C3orf33: variants seen among roughly 807,000 people sequenced by gnomAD.
The protein encoded by C3orf33 is AP-1 activity suppressor.
A neutral mutation model predicts 28.7 loss-of-function variants in C3orf33; 23 were observed. That is an observed-to-expected ratio of 0.80 (90% CI 0.58 to 1.13). The LOEUF is 1.13. C3orf33 is among the 50% of genes most tolerant of loss of function. The pLI is 0.00. For synonymous variants in C3orf33, 119 were observed against 120.5 expected (o/e 0.99, Z 0.08); for missense variants, 327 against 353.4 (o/e 0.93, Z 0.60).
intron 2 of C3orf33, among the ~76,000 whole-genome samples, chr3:155,786,858 CA>C (rs1322448674): frequency 6.6e-6 from 1 of 152,054 alleles, no homozygotes; most frequent in African/African-American, 2.4e-5. Flanking sequence ...AATAACCTTC[CA>C]GGATGGAATC....
At chr3:155,793,276 G>A (rs1049321878) in intron 2 of C3orf33, among the ~76,000 whole-genome samples, 5 of 147,686 alleles carry the variant, frequency 3.4e-5, no homozygotes, top group South Asian at 2.1e-4. Flanking sequence ...AGTCAAACAC[G>A]AAGGAGAAAT....
At chr3:155,773,063 G>T (rs761743180) in intron 3 of C3orf33, among the ~76,000 whole-genome samples, 5 of 152,044 alleles carry the variant, frequency 3.3e-5, no homozygotes, top group Admixed American at 1.3e-4. Context: ...TTAGGACCTG[G>T]ATCTTAGCCC....
chr3:155,771,983 G>A lies in C3orf33; in HGVS notation c.322+3718C>T, dbSNP rs373006316. Among the ~76,000 whole-genome samples the A allele has an allele frequency of 1.2e-4, 18 of 152,048 alleles. No homozygotes were observed. The East Asian group carries it at 1.7e-3, about 15-fold the overall frequency. ...CTTTGGAAGGTAGAGGTGGGCCGAT[G>A]TCTTAAACCCAGAAGTTCAAGAAGG... On this transcript the variant is annotated intron_variant, in intron 3 of 4. Coordinates refer to ENST00000340171, the MANE Select transcript of C3orf33 (RefSeq NM_001308229.2).
In C3orf33 at chr3:155,806,210, TGTC is replaced by T. The variant is rs1751807213; in HGVS notation, c.40_42del (p.Asp14del). 6 of 1,490,872 alleles carry T rather than the reference TGTC, an allele frequency of 4.0e-6. No individual in the cohort carries two copies. In the African/African-American group the frequency reaches 4.3e-5, roughly 11 times the overall value. The allele number at this position is 1,490,872 out of a possible 1,614,324, so 92.4% of individuals were successfully genotyped here. ...ACGACGTTGGGCTCCATTCCGTCCT[TGTC>T]GGCAGACGGCGAGCCGGTGGCCGCG... On this transcript the variant is annotated inframe_deletion, in exon 1 of 5. Coordinates refer to ENST00000340171, the MANE Select transcript of C3orf33 (RefSeq NM_001308229.2).
chr3:155,777,193 A>G (rs541911772), intron 2 of C3orf33, among the ~76,000 whole-genome samples: 12 of 152,152 alleles, frequency 7.9e-5, no homozygotes, highest in African/African-American at 2.9e-4. Flanking sequence ...GCATGCCTGT[A>G]ATCCCAGCTA....
intron 2 of C3orf33, 146 bp from the exon 3 acceptor site, chr3:155,775,994 T>C (rs1014485620): frequency 1.0e-5 from 6 of 575,902 alleles, no homozygotes; most frequent in Non-Finnish European, 1.8e-5. Context: ...TACTTTAATA[T>C]GATTTAATCA....
intron 2 of C3orf33, among the ~76,000 whole-genome samples, chr3:155,794,568 C>T (rs1419272731): frequency 6.6e-6 from 1 of 151,828 alleles, no homozygotes; most frequent in Non-Finnish European, 1.5e-5. Context: ...GAACTAAACT[C>T]TCCAAAAGAC....
At chr3:155,787,394 G>A (rs1181605368) in intron 2 of C3orf33, among the ~76,000 whole-genome samples, 2 of 145,860 alleles carry the variant, frequency 1.4e-5, no homozygotes, top group African/African-American at 5.0e-5. Flanking sequence ...CTGTCACCCA[G>A]GCTGGAGTGC....
At chr3:155,796,989 G>A (rs370827579) in intron 2 of C3orf33, among the ~76,000 whole-genome samples, 2 of 152,124 alleles carry the variant, frequency 1.3e-5, no homozygotes, top group African/African-American at 2.4e-5. Context: ...TCAGGAGTTC[G>A]AGACTAGCCT....
intron 2 of C3orf33, among the ~76,000 whole-genome samples, chr3:155,777,377 A>C (rs1273575977): frequency 6.6e-6 from 1 of 152,120 alleles, no homozygotes; most frequent in African/African-American, 2.4e-5. Flanking sequence ...TGGGTATTAG[A>C]TGATTCTAAG....
chr3:155,804,372 C>T (rs7652960), intron 1 of C3orf33, among the ~76,000 whole-genome samples: 1,845 of 152,166 alleles, frequency 0.012, 35 homozygotes, highest in African/African-American at 0.042. Context: ...TGAGTTTTCA[C>T]CAATTAACAC....
chr3:155,776,799 C>A (rs1483250709), intron 2 of C3orf33, among the ~76,000 whole-genome samples: 2 of 130,780 alleles, frequency 1.5e-5, no homozygotes, highest in African/African-American at 5.8e-5. Context: ...AAATTAGTAC[C>A]CAACTTCCTA....
intron 2 of C3orf33, among the ~76,000 whole-genome samples, chr3:155,791,473 C>T (rs1337398765): frequency 6.6e-6 from 1 of 152,144 alleles, no homozygotes; most frequent in East Asian, 1.9e-4. Context: ...CATTGTTATG[C>T]AGCTTAGGTA....
intron 2 of C3orf33, among the ~76,000 whole-genome samples, chr3:155,782,546 G>A (rs1264693140): frequency 6.6e-6 from 1 of 152,198 alleles, no homozygotes; most frequent in African/African-American, 2.4e-5. Context: ...AAGATTATCT[G>A]CAGATCTCTC....
intron 3 of C3orf33, among the ~76,000 whole-genome samples, chr3:155,772,811 T>TGTGTGTGC (rs777016511): frequency 6.7e-6 from 1 of 148,976 alleles, no homozygotes; most frequent in Non-Finnish European, 1.5e-5. Context: ...TGTGTGTGTG[T>TGTGTGTGC]GCCTCCTCAT....
intron 2 of C3orf33, among the ~76,000 whole-genome samples, chr3:155,802,193 A>G (rs1751669124): frequency 6.6e-6 from 1 of 152,278 alleles, no homozygotes; most frequent in African/African-American, 2.4e-5. Context: ...GGTCTAAATC[A>G]AAAAGCACCA....
chr3:155,801,129 A>G (rs1218243443), intron 2 of C3orf33, among the ~76,000 whole-genome samples: 1 of 152,160 alleles, frequency 6.6e-6, no homozygotes, highest in African/African-American at 2.4e-5. Flanking sequence ...CCTGACCAAC[A>G]TGGTAAAACC....
chr3:155,763,879 T>A lies in C3orf33; in HGVS notation c.523A>T (p.Arg175Ter), dbSNP rs747337825. 1.3e-5 allele frequency: 20 copies of A among 1,499,162 alleles called. No homozygotes were observed. The highest frequency in any genetic ancestry group is 1.4e-5 in the African/African-American group (1 of 70,128). The allele number at this position is 1,499,162 out of a possible 1,614,324, so 92.9% of individuals were successfully genotyped here. A position where few individuals can be genotyped will look rare whatever the true frequency, so the allele number is the denominator to read the frequency against. ...FSVNLNEEIL[R>*]RGLGKTVLVK... ...AGAACAGTTTTGCCAAGGCCTCTTC[T>A]CAAAATTTCTTCATTCAGATTCACG... Residue 175 changes from arginine (R) to a stop codon, truncating the protein, a stop_gained, in exon 5 of 5, where the codon AGA becomes TGA. Coordinates refer to ENST00000340171, the MANE Select transcript of C3orf33 (RefSeq NM_001308229.2). LOFTEE classifies it high-confidence loss of function.
chr3:155,775,560 AT>A, intron 3 of C3orf33, 140 bp downstream of exon 3: 1 of 499,304 alleles, frequency 2.0e-6, no homozygotes, highest in Non-Finnish European at 3.3e-6. Flanking sequence ...CTCCTTATAT[AT>A]AAAGCCAAGA....
Sources: gnomAD v4.1 joint callset for allele counts (sites outside exome capture counted in the v4.1 genomes callset) on GRCh38, gnomAD v4.1.1 for gene constraint, MANE v1.5 for transcripts, NCBI Gene and HGNC (gene_info 2026-07-23, HGNC 2026-07-21) for gene names.